The following NBPF14 variants were observed in gnomAD, a reference collection of about 807,000 sequenced individuals.
NBPF14 encodes NBPF member 14.
NBPF14 carries 104 observed loss-of-function variants against 91.2 expected under a neutral mutation model. The observed-to-expected ratio is 1.14, with a 90% confidence interval of 0.97 to 1.34. The LOEUF is 1.34. Ranked by LOEUF, NBPF14 falls within the 40% of genes most tolerant of loss-of-function variation. The pLI is 0.00. For missense variants in NBPF14, 908 were observed against 783.0 expected (o/e 1.16, Z -1.91); for synonymous variants, 294 against 303.8 (o/e 0.97, Z 0.34).
chr1:148,560,059 G>T (rs1450492646), intron 36 of NBPF14, 94 bp from the exon 37 acceptor site: 6 of 682,068 alleles, frequency 8.8e-6, no homozygotes, highest in South Asian at 8.1e-5. Flanking sequence ...GGAAGAGTTT[G>T]AAAAGAAAAA....
chr1:148,566,499 A>G (rs1658348273), intron 28 of NBPF14, among the ~76,000 whole-genome samples, 184 bp from the exon 29 acceptor site: 1 of 120,782 alleles, frequency 8.3e-6, no homozygotes, highest in Non-Finnish European at 1.7e-5. Flanking sequence ...AGAATGAAAG[A>G]GAAAGACAGA....
chr1:148,590,102 G>A (rs1662229771), intron 6 of NBPF14, among the ~76,000 whole-genome samples: 2 of 131,976 alleles, frequency 1.5e-5, no homozygotes, highest in African/African-American at 5.6e-5. Flanking sequence ...AGGCTGGAGT[G>A]CAGTGGCACA....
At chr1:148,579,831 C>A (rs1660629259) in intron 12 of NBPF14, among the ~76,000 whole-genome samples, 1 of 152,114 alleles carries the variant, frequency 6.6e-6, no homozygotes. Flanking sequence ...TTCCAGCAAA[C>A]TCCAACAGAC....
At chr1:148,542,595 G>T in exon 59 of NBPF14, 1 of 123,594 alleles carries the variant, frequency 8.1e-6, no homozygotes, top group Non-Finnish European at 1.3e-5. Flanking sequence ...TTCCTCCAAT[G>T]CATAAAAGGA....
rs1436842683 is a variant in NBPF14 at position 148,587,419 on chromosome 1, C to A, written c.989-16G>T. 2.0e-5 allele frequency: 32 copies of A among 1,566,310 alleles called. 2 individuals carry two copies. The highest frequency in any genetic ancestry group is 2.8e-5 in the Non-Finnish European group (32 of 1,148,820). The stretch of plus-strand genomic sequence containing the variant: ...TCTTCATATTCTGAGAAAAGACAGA[C>A]ACACCTACCTCAGTGGAAGGCTGGA... On this transcript the variant is annotated splice_polypyrimidine_tract_variant and intron_variant, in intron 7 of 70. Coordinates refer to ENST00000619423, the Ensembl canonical transcript of NBPF14.
chr1:148,577,484 A>C, intron 14 of NBPF14, 129 bp from the exon 15 acceptor site: 1 of 705,616 alleles, frequency 1.4e-6, no homozygotes, highest in Non-Finnish European at 2.6e-6. Context: ...ATGAGGTAAC[A>C]AATTATTGCC....
chr1:148,562,115 T>C (rs1657941697), intron 34 of NBPF14, 121 bp downstream of exon 34: 9 of 214,394 alleles, frequency 4.2e-5, no homozygotes, highest in Non-Finnish European at 7.1e-5. Context: ...GCAATGTTAG[T>C]AGGAATAATT....
intron 69 of NBPF14, among the ~76,000 whole-genome samples, chr1:148,534,201 C>T (rs1409939257): frequency 6.6e-6 from 1 of 150,688 alleles, no homozygotes; most frequent in East Asian, 1.9e-4. Flanking sequence ...ATCCCAATAT[C>T]ATTTGTCCCA....
intron 6 of NBPF14, among the ~76,000 whole-genome samples, chr1:148,590,184 G>C (rs1662244351): frequency 7.0e-6 from 1 of 142,202 alleles, no homozygotes; most frequent in Non-Finnish European, 1.6e-5. Context: ...TGAGTAGCTG[G>C]GACTACAGGC....
At chr1:148,571,274 C>CACAG (rs1659121336) in intron 22 of NBPF14, among the ~76,000 whole-genome samples, 2 of 58,312 alleles carry the variant, frequency 3.4e-5, no homozygotes, top group East Asian at 7.7e-4. Flanking sequence ...CACACACACA[C>CACAG]AGAGAGAGAG....
exon 71 of NBPF14, chr1:148,531,496 G>C (rs1392584694): frequency 2.1e-5 from 1 of 48,772 alleles, no homozygotes; most frequent in Admixed American, 2.8e-4. Flanking sequence ...AGAGTGATAG[G>C]CAAAAGGTTT....
exon 8 of NBPF14, chr1:148,587,336 C>T: frequency 1.3e-6 from 2 of 1,581,864 alleles, no homozygotes; most frequent in African/African-American, 1.4e-5. Context: ...GCTCCGCAAG[C>T]TTCTCCTCCT....
intron 12 of NBPF14, among the ~76,000 whole-genome samples, chr1:148,581,540 A>G (rs1249788191): frequency 1.3e-5 from 2 of 151,842 alleles, no homozygotes; most frequent in East Asian, 3.9e-4. Context: ...AAAGAAAAGA[A>G]TTTTCAACCA....
rs1659246757 is a variant in NBPF14, at chr1:148,572,424, T to C, written c.2758+19A>G. Reference sequence around the variant, plus strand: ...GAAGACCAGGTGGAGGCTTATCACCTTCACAGTAAGGTACTCACTGTCCAC... The same window carrying C: ...GAAGACCAGGTGGAGGCTTATCACCCTCACAGTAAGGTACTCACTGTCCAC... On this transcript the variant is annotated intron_variant, in intron 21 of 70. Coordinates refer to ENST00000619423, the Ensembl canonical transcript of NBPF14. 2.2e-6 allele frequency: 1 copy of C among 463,166 alleles called. No individual in the cohort carries two copies. Among genetic ancestry groups the C allele is most frequent in the Admixed American group, 3.7e-5 (1 of 26,726 alleles). 28.7% of individuals were successfully genotyped at this position (463,166 alleles called of 1,614,324 possible).
At chr1:148,559,760 G>A (rs1657380795) in intron 37 of NBPF14, 33 bp downstream of exon 37, 22 of 1,263,622 alleles carry the variant, frequency 1.7e-5, no homozygotes, top group Non-Finnish European at 2.4e-5. Flanking sequence ...AAGACTCAGT[G>A]GATCCTTATC....
Position 148,566,130 on chromosome 1 carries a change from G to T in NBPF14, c.3715+13C>A. On this transcript the variant is annotated intron_variant, in intron 29 of 70. Coordinates refer to ENST00000619423, the Ensembl canonical transcript of NBPF14. Reference sequence around the variant, plus strand: ...TCAGTGGATCCTTATCACCTTCATAGAAAGGTACTCACCTCCCACGTCAAG... The same window carrying T: ...TCAGTGGATCCTTATCACCTTCATATAAAGGTACTCACCTCCCACGTCAAG... 1 of 483,298 alleles carries T rather than the reference G, an allele frequency of 2.1e-6. No individual in the cohort carries two copies. Among genetic ancestry groups the T allele is most frequent in the South Asian group, 2.1e-5 (1 of 47,282 alleles). The allele number at this position is 483,298 out of a possible 1,614,324, so 29.9% of individuals were successfully genotyped here.
In NBPF14 at chr1:148,534,219, G is replaced by C. The variant is rs1375449300; in HGVS notation, c.8615-250C>G. Among the ~76,000 whole-genome samples the C allele has an allele frequency of 1.3e-5, 2 of 151,050 alleles. 1 individual carries two copies. Among genetic ancestry groups the C allele is most frequent in the African/African-American group, 4.9e-5 (2 of 40,908 alleles). On this transcript the variant is annotated intron_variant, in intron 69 of 70. Coordinates refer to ENST00000619423, the Ensembl canonical transcript of NBPF14. ...CCAATATCATTTGTCCCAAGTTTCT[G>C]CAAACAGTTACGCCATATTTTTCCA...
intron 70 of NBPF14, 33 bp downstream of exon 70, chr1:148,533,828 C>T (rs1271834155): frequency 1.3e-6 from 1 of 767,482 alleles, no homozygotes; most frequent in Non-Finnish European, 2.4e-6. Flanking sequence ...GGAGTTAACA[C>T]AGAACTAAGG....
At chr1:148,538,224 A>G (rs1380565778) in intron 64 of NBPF14, among the ~76,000 whole-genome samples, 120 of 73,320 alleles carry the variant, frequency 1.6e-3, no homozygotes, top group African/African-American at 7.0e-3. Flanking sequence ...ACACACACAC[A>G]CACACACACA....
Sources: gnomAD v4.1 joint callset for allele counts (sites outside exome capture counted in the v4.1 genomes callset) on GRCh38, gnomAD v4.1.1 for gene constraint, MANE v1.5 for transcripts, NCBI Gene and HGNC (gene_info 2026-07-23, HGNC 2026-07-21) for gene names.